The following DCAF1 variants were observed in gnomAD, a reference collection of about 807,000 sequenced individuals.
DCAF1 encodes the protein DDB1- and CUL4-associated factor 1.
Under a neutral mutation model 128.0 loss-of-function variants are expected in DCAF1, and 15 were observed. The observed-to-expected ratio is 0.12, with a 90% CI of 0.08 to 0.18. DCAF1 has a LOEUF of 0.18. Ranked by LOEUF, DCAF1 falls within the 10% of genes least tolerant of loss-of-function variation. The probability of loss-of-function intolerance (pLI) is 1.00; values close to 1 mark genes in which losing one functional copy is unlikely to be tolerated. For missense variants in DCAF1, 988 were observed against 1,649.5 expected (o/e 0.60, Z 6.95); for synonymous variants, 610 against 603.0 (o/e 1.01, Z -0.17).
chr3:51,500,842 C>G (rs1285354824), upstream of DCAF1, among the ~76,000 whole-genome samples: 1 of 139,606 alleles, frequency 7.2e-6, no homozygotes, highest in Non-Finnish European at 1.5e-5. Flanking sequence ...GACAGGGTCT[C>G]GCTCTGTCAT....
chr3:51,408,442 T>C (rs1553627376), intron 23 of DCAF1, among the ~76,000 whole-genome samples: 1 of 152,222 alleles, frequency 6.6e-6, no homozygotes, highest in African/African-American at 2.4e-5. Context: ...AACAGATATC[T>C]AGACTAGGAC....
At chr3:51,496,369 G>A (rs782069051) in intron 2 of DCAF1, among the ~76,000 whole-genome samples, 2 of 152,164 alleles carry the variant, frequency 1.3e-5, no homozygotes, top group Non-Finnish European at 2.9e-5. Flanking sequence ...AGAGGTTGCA[G>A]TGAGCCGAGA....
intron 6 of DCAF1, among the ~76,000 whole-genome samples, chr3:51,451,211 C>T (rs1553641450): frequency 6.7e-6 from 1 of 149,974 alleles, no homozygotes; most frequent in East Asian, 2.0e-4. Flanking sequence ...GCCTCAACCT[C>T]CCAACTAGCC....
Position 51,430,019 on chromosome 3 carries a change from T to G in DCAF1, c.1467+14A>C. 1 of 779,726 alleles carries G rather than the reference T, an allele frequency of 1.3e-6. No homozygotes were observed. 48.3% of individuals were successfully genotyped at this position (779,726 alleles called of 1,614,324 possible). A position where few individuals can be genotyped will look rare whatever the true frequency, so the allele number is the denominator to read the frequency against. On this transcript the variant is annotated intron_variant, in intron 11 of 24. Transcript: ENST00000684031. ...CCCTCAATCCTAGGGAGAAAAGCAC[T>G]GAAAGAACCTCACCAAGTTCACCAG... is the stretch of plus-strand genomic sequence containing the variant.
intron 24 of DCAF1, among the ~76,000 whole-genome samples, chr3:51,400,997 T>C (rs1225000907): frequency 2.0e-5 from 3 of 151,808 alleles, no homozygotes; most frequent in African/African-American, 7.3e-5. Flanking sequence ...CTGGGGGTGG[T>C]GGCGGGCGCC....
chr3:51,458,902 C>T (rs1334223194), intron 6 of DCAF1, among the ~76,000 whole-genome samples: 13 of 152,154 alleles, frequency 8.5e-5, no homozygotes, highest in Admixed American at 5.2e-4. Context: ...ATCTCTGGGA[C>T]ACATTCAAAG....
At chr3:51,432,266 G>GC (rs1700454973) in intron 10 of DCAF1, among the ~76,000 whole-genome samples, 1 of 10,676 alleles carries the variant, frequency 9.4e-5, no homozygotes, top group Non-Finnish European at 2.2e-4. Flanking sequence ...GCAAGATTCT[G>GC]TAAAAAAAAA....
intron 10 of DCAF1, among the ~76,000 whole-genome samples, chr3:51,431,960 A>T (rs1700424178): frequency 6.6e-6 from 1 of 151,794 alleles, no homozygotes; most frequent in Non-Finnish European, 1.5e-5. Flanking sequence ...CCTGGACAAC[A>T]GAGCGAGACC....
intron 5 of DCAF1, among the ~76,000 whole-genome samples, chr3:51,463,501 C>T (rs1433351415): frequency 2.6e-5 from 4 of 152,068 alleles, no homozygotes; most frequent in Non-Finnish European, 5.9e-5. Flanking sequence ...AAAGGTCAAA[C>T]GCTGATGCCA....
At chr3:51,416,914 G>A (rs367768319) in intron 17 of DCAF1, 43 bp from the exon 18 acceptor site, 6 of 1,571,894 alleles carry the variant, frequency 3.8e-6, no homozygotes, top group Non-Finnish European at 5.2e-6. Context: ...AGATCTTCAG[G>A]ACATATTCCT....
At chr3:51,485,276 G>A (rs977700070) in intron 2 of DCAF1, among the ~76,000 whole-genome samples, 12 of 152,168 alleles carry the variant, frequency 7.9e-5, no homozygotes, top group African/African-American at 2.9e-4. Context: ...CATGAAAGTG[G>A]AGAAGGAACA....
Position 51,419,826 on chromosome 3 carries a change from T to A in DCAF1, c.3144A>T (p.Ile1048=), listed in dbSNP as rs1553631707. 1 of 1,614,050 alleles carries A rather than the reference T, an allele frequency of 6.2e-7. No homozygotes were observed. Among genetic ancestry groups the A allele is most frequent in the Non-Finnish European group, 8.5e-7 (1 of 1,179,898 alleles). Reference sequence around the variant, plus strand: ...TGCGGTTTAGCCTTGACGTAAAGTTTATTGGCGCTTGCCGCCTCTGTTTTG... The same window carrying A: ...TGCGGTTTAGCCTTGACGTAAAGTTAATTGGCGCTTGCCGCCTCTGTTTTG... ...PEPKQRRQAP[I]NFTSRLNRRA... is the part of the protein sequence containing the mutation. Residue 1048 remains isoleucine (I), a synonymous_variant, in exon 15 of 25, where the codon ATA becomes ATT. Transcript: ENST00000684031.
chr3:51,414,710 C>T lies in DCAF1; in HGVS notation c.3751G>A (p.Ala1251Thr), dbSNP rs1340345424. The T allele has an allele frequency of 6.2e-7, 1 of 1,613,846 alleles. No homozygotes were observed. The highest frequency in any genetic ancestry group is 8.5e-7 in the Non-Finnish European group (1 of 1,179,902). Residue 1251 changes from alanine (A) to threonine (T), a missense_variant, in exon 19 of 25, where the codon GCC (alanine) becomes ACC (threonine). Ala to Thr is a moderately conservative substitution (Grantham distance 58). Coordinates refer to ENST00000684031, the MANE Select transcript of DCAF1 (RefSeq NM_001387579.1). ...GVLWDVRSAQ[A>T]IHKFDKFNMN... ...TTGAACTTGTCAAACTTGTGGATGGCCTGTGCAGAGCGGACATCCCAGAGG... is the reference window on the plus strand; with the variant it reads ...TTGAACTTGTCAAACTTGTGGATGGTCTGTGCAGAGCGGACATCCCAGAGG...
intron 9 of DCAF1, among the ~76,000 whole-genome samples, chr3:51,438,237 G>A (rs1402765152): frequency 6.6e-6 from 1 of 151,966 alleles, no homozygotes; most frequent in African/African-American, 2.4e-5. Context: ...CAAATATTAA[G>A]AGAATTCATT....
At chr3:51,493,781 A>T (rs1707930220) in intron 2 of DCAF1, among the ~76,000 whole-genome samples, 1 of 152,066 alleles carries the variant, frequency 6.6e-6, no homozygotes. Context: ...GTGGATCATG[A>T]GGTCAACAGT....
chr3:51,415,361 G>A (rs1336175396), intron 18 of DCAF1, among the ~76,000 whole-genome samples: 1 of 152,096 alleles, frequency 6.6e-6, no homozygotes, highest in East Asian at 1.9e-4. Context: ...CAGGTGTGAT[G>A]GTGCTCGCCT....
At chr3:51,475,132 G>C (rs781809744) in intron 3 of DCAF1, among the ~76,000 whole-genome samples, 3 of 151,570 alleles carry the variant, frequency 2.0e-5, no homozygotes, top group Non-Finnish European at 4.4e-5. Context: ...ATCTTGCTAT[G>C]TTGCCCAGGC....
chr3:51,422,302 C>A lies in DCAF1; in HGVS notation c.1972+5G>T. The A allele has an allele frequency of 1.3e-6, 1 of 762,952 alleles. No individual in the cohort carries two copies. Among genetic ancestry groups the A allele is most frequent in the Non-Finnish European group, 2.4e-6 (1 of 409,514 alleles). The allele number at this position is 762,952 out of a possible 1,614,324, so 47.3% of individuals were successfully genotyped here. On this transcript the variant is annotated splice_donor_5th_base_variant and intron_variant, in intron 14 of 24. Coordinates refer to ENST00000684031, the MANE Select transcript of DCAF1 (RefSeq NM_001387579.1). ...AAACAACAAAAATGGCAAAGTACAA[C>A]CTACCTACAGTAGAGACTGTAGATC...
intron 2 of DCAF1, among the ~76,000 whole-genome samples, chr3:51,495,943 A>G (rs1553660609): frequency 6.6e-6 from 1 of 151,766 alleles, no homozygotes; most frequent in Non-Finnish European, 1.5e-5. Context: ...GCAGTGAGCC[A>G]TAACTGCACC....
Sources: gnomAD v4.1 joint callset for allele counts (sites outside exome capture counted in the v4.1 genomes callset) on GRCh38, gnomAD v4.1.1 for gene constraint, MANE v1.5 for transcripts, NCBI Gene and HGNC (gene_info 2026-07-23, HGNC 2026-07-21) for gene names.